SYN3: variants seen among roughly 807,000 people sequenced by gnomAD.
The protein encoded by SYN3 is synapsin-3.
A neutral mutation model predicts 65.8 loss-of-function variants in SYN3; 35 were observed. The observed-to-expected ratio is 0.53, with a 90% CI of 0.41 to 0.70. The LOEUF is 0.70. SYN3 is among the 30% of genes least tolerant of loss of function. SYN3 has a pLI of 0.00. For missense variants in SYN3, 680 were observed against 749.0 expected, an observed-to-expected ratio of 0.91 and a Z score of 1.08; for synonymous variants, 270 against 292.9, an observed-to-expected ratio of 0.92 and a Z score of 0.80.
chr22:32,587,226 A>G (rs1467692513), intron 7 of SYN3, among the ~76,000 whole-genome samples: 1 of 144,654 alleles, frequency 6.9e-6, no homozygotes, highest in African/African-American at 2.6e-5. Flanking sequence ...TTATCTCAAA[A>G]AAAAAAAAAA....
chr22:32,536,211 G>A (rs1340465207), intron 9 of SYN3, among the ~76,000 whole-genome samples: 4 of 152,202 alleles, frequency 2.6e-5, no homozygotes, highest in Admixed American at 2.6e-4. Flanking sequence ...CACCTGTTGG[G>A]GGAAGGAGGT....
At chr22:32,747,104 A>T (rs1189300776) in intron 6 of SYN3, among the ~76,000 whole-genome samples, 1 of 152,198 alleles carries the variant, frequency 6.6e-6, no homozygotes, top group East Asian at 1.9e-4. Flanking sequence ...TCTACTTTAC[A>T]TAATATTTCC....
chr22:33,024,952 A>G (rs2145873592), intron 1 of SYN3, among the ~76,000 whole-genome samples: 1 of 152,312 alleles, frequency 6.6e-6, no homozygotes, highest in East Asian at 1.9e-4. Flanking sequence ...AAGGACGTGA[A>G]AGTGATTTTA....
chr22:32,938,685 G>A (rs1399963850), intron 3 of SYN3, among the ~76,000 whole-genome samples: 2 of 152,166 alleles, frequency 1.3e-5, no homozygotes. Flanking sequence ...CCAGCACTTT[G>A]GGAGGCCAAG....
chr22:32,793,259 T>C (rs960954346), intron 6 of SYN3, among the ~76,000 whole-genome samples: 1 of 152,196 alleles, frequency 6.6e-6, no homozygotes, highest in African/African-American at 2.4e-5. Flanking sequence ...GATGATGAGG[T>C]ACTAAGGAGT....
chr22:32,894,757 T>C (rs778500315), intron 4 of SYN3, among the ~76,000 whole-genome samples: 2 of 152,200 alleles, frequency 1.3e-5, no homozygotes, highest in South Asian at 2.1e-4. Context: ...TTTGGATCTA[T>C]AGACTGAGTA....
At chr22:32,805,135 CCTT>C (rs977985429) in intron 6 of SYN3, among the ~76,000 whole-genome samples, 2 of 152,286 alleles carry the variant, frequency 1.3e-5, no homozygotes, top group South Asian at 2.1e-4. Context: ...GCCCTTCTCT[CCTT>C]CTCTCTTGCC....
rs966487356 is a variant in SYN3, at chr22:32,575,921, G to A, written c.774+20753C>T. Among the ~76,000 whole-genome samples the A allele has an allele frequency of 3.3e-5, 5 of 152,108 alleles. 1 individual carries two copies. The highest frequency in any genetic ancestry group is 6.6e-5 in the Admixed American group (1 of 15,260). The stretch of plus-strand genomic sequence containing the variant: ...AAAAAAACAAACCTATTCCGGCTGC[G>A]TGGCCAACAACACAATTTCCCTCAC... On this transcript the variant is annotated intron_variant, in intron 7 of 13. Coordinates refer to ENST00000358763, the MANE Select transcript of SYN3 (RefSeq NM_003490.4).
chr22:32,763,142 TTTGTTG>T (rs71961154), intron 6 of SYN3, among the ~76,000 whole-genome samples: 10 of 149,216 alleles, frequency 6.7e-5, no homozygotes, highest in Admixed American at 2.0e-4. Flanking sequence ...TGATCTATTT[TTTGTTG>T]TTGTTGTTTT....
At chr22:32,818,691 G>C (rs1031290546) in intron 6 of SYN3, among the ~76,000 whole-genome samples, 49 of 152,276 alleles carry the variant, frequency 3.2e-4, no homozygotes, top group African/African-American at 1.1e-3. Context: ...TCCAGCTCTT[G>C]CACCATTAAC....
chr22:32,671,671 G>A (rs1377126349), intron 6 of SYN3, among the ~76,000 whole-genome samples: 6 of 140,330 alleles, frequency 4.3e-5, no homozygotes, highest in Middle Eastern at 4.7e-3. Flanking sequence ...TGTCACACAC[G>A]CTCTCACACA....
chr22:32,878,287 CA>C (rs2049033450), intron 4 of SYN3, among the ~76,000 whole-genome samples: 1 of 152,144 alleles, frequency 6.6e-6, no homozygotes, highest in African/African-American at 2.4e-5. Flanking sequence ...AAGTCATGTG[CA>C]GTTCTTCTCC....
chr22:32,624,395 C>T (rs1463376007), intron 6 of SYN3, among the ~76,000 whole-genome samples: 2 of 152,272 alleles, frequency 1.3e-5, no homozygotes, highest in South Asian at 2.1e-4. Flanking sequence ...AACTGATGGT[C>T]GGTGGATACA....
At chr22:32,847,955 C>T (rs560483028) in intron 6 of SYN3, among the ~76,000 whole-genome samples, 60 of 152,364 alleles carry the variant, frequency 3.9e-4, no homozygotes, top group Middle Eastern at 3.4e-3. Context: ...TGGCAGCCCC[C>T]CTGCCTTTTG....
At chr22:32,554,795 TA>T (rs1250302692) in intron 7 of SYN3, among the ~76,000 whole-genome samples, 4 of 152,136 alleles carry the variant, frequency 2.6e-5, no homozygotes, top group Admixed American at 6.5e-5. Context: ...TCTCTAGAAG[TA>T]AAATTGCCTT....
At chr22:32,541,832 G>T in intron 7 of SYN3, 119 bp from the exon 8 acceptor site, 1 of 1,204,588 alleles carries the variant, frequency 8.3e-7, no homozygotes, top group Non-Finnish European at 1.2e-6. Flanking sequence ...TCACCTGCTG[G>T]CAGGGGAGAC....
intron 6 of SYN3, among the ~76,000 whole-genome samples, chr22:32,684,543 T>C (rs1330479732): frequency 6.6e-6 from 1 of 152,336 alleles, no homozygotes; most frequent in East Asian, 1.9e-4. Flanking sequence ...AACCACATCA[T>C]TGTCAAACAT....
At chr22:32,800,595 G>A (rs2046542901) in intron 6 of SYN3, among the ~76,000 whole-genome samples, 1 of 152,194 alleles carries the variant, frequency 6.6e-6, no homozygotes, top group Non-Finnish European at 1.5e-5. Context: ...AATTGTGTTA[G>A]TTATCTGCAA....
chr22:32,752,661 C>G (rs2045166079), intron 6 of SYN3, among the ~76,000 whole-genome samples: 1 of 152,180 alleles, frequency 6.6e-6, no homozygotes, highest in Admixed American at 6.5e-5. Context: ...GAAGGGCATC[C>G]TATTTCTTTT....
Sources: gnomAD v4.1 joint callset for allele counts (sites outside exome capture counted in the v4.1 genomes callset) on GRCh38, gnomAD v4.1.1 for gene constraint, MANE v1.5 for transcripts, NCBI Gene and HGNC (gene_info 2026-07-23, HGNC 2026-07-21) for gene names.